BYSL: variants seen among roughly 807,000 people sequenced by gnomAD.
BYSL encodes the protein bystin like, also known as bystin.
In BYSL, 21 loss-of-function variants were observed where a neutral mutation model predicts 45.4. The ratio of observed to expected loss-of-function variants is 0.46; its 90% CI spans 0.33 to 0.67. BYSL has a LOEUF of 0.67. Among genes scored for constraint, BYSL ranks in the 30% least tolerant of loss-of-function variants. The pLI, the probability that BYSL is intolerant of heterozygous loss-of-function variation, is 0.02. For synonymous variants in BYSL, 215 were observed against 231.3 expected, an observed-to-expected ratio of 0.93 and a Z score of 0.64; for missense variants, 522 against 578.5, an observed-to-expected ratio of 0.90 and a Z score of 1.00.
At chr6:41,911,738 C>T in the BYSL span, among the ~76,000 whole-genome samples, 9 of 152,222 alleles carry the variant, frequency 5.9e-5, no homozygotes, top group African/African-American at 1.7e-4. Context: ...GGCTGCTGTG[C>T]GTGAACACAG....
rs576357696 is a variant in BYSL at position 41,923,762 on chromosome 6, A to C, written c.268+1932A>C. 1.0e-3 allele frequency among the ~76,000 whole-genome samples: 157 copies of C among 152,178 alleles called. 2 individuals are homozygous for C. The highest frequency in any genetic ancestry group is 1.5e-3 in the Non-Finnish European group (105 of 68,016). Reference sequence around the variant, plus strand: ...GTCTCATACTCTCTACAAAGTACTCACAGGTGGGGGATTACAATGGTCTAC... The same window carrying C: ...GTCTCATACTCTCTACAAAGTACTCCCAGGTGGGGGATTACAATGGTCTAC... On this transcript the variant is annotated intron_variant, in intron 1 of 6. Coordinates refer to ENST00000230340, the MANE Select transcript of BYSL (RefSeq NM_004053.4).
At chr6:41,919,443 CCTT>C (rs1039333751), upstream of BYSL, among the ~76,000 whole-genome samples, 5 of 152,182 alleles carry the variant, frequency 3.3e-5, no homozygotes, top group African/African-American at 9.7e-5. Context: ...AAGGTAGAGT[CCTT>C]CTGTTGCTAA....
At chr6:41,931,987 TGTAA>T (rs1182768787) in intron 6 of BYSL, among the ~76,000 whole-genome samples, 157 bp downstream of exon 6, 1 of 152,116 alleles carries the variant, frequency 6.6e-6, no homozygotes, top group East Asian at 1.9e-4. Flanking sequence ...TCCCCCTCAA[TGTAA>T]GTTGTGCAAC....
At chr6:41,916,603 T>C (rs1050075998), upstream of BYSL, among the ~76,000 whole-genome samples, 13 of 152,036 alleles carry the variant, frequency 8.6e-5, no homozygotes, top group African/African-American at 2.9e-4. Context: ...TAAAATAAAA[T>C]AAAGCTTTCA....
At chr6:41,918,607 A>T (rs1775376348), upstream of BYSL, among the ~76,000 whole-genome samples, 1 of 151,830 alleles carries the variant, frequency 6.6e-6, no homozygotes, top group South Asian at 2.1e-4. Context: ...AGGTCAGGAG[A>T]TCAAGACCAT....
the BYSL span, chr6:41,909,130 T>G: frequency 8.6e-7 from 1 of 1,156,566 alleles, no homozygotes; most frequent in Non-Finnish European, 1.2e-6. Flanking sequence ...GCCAAGATTG[T>G]GCCATTGCAT....
At chr6:41,917,679 C>T (rs1364299622), upstream of BYSL, 11 of 443,628 alleles carry the variant, frequency 2.5e-5, no homozygotes, top group East Asian at 7.2e-5. Flanking sequence ...AGATGACACA[C>T]GGACTGAGAA....
At chr6:41,925,939 C>T (rs1775558389) in intron 1 of BYSL, among the ~76,000 whole-genome samples, 1 of 152,148 alleles carries the variant, frequency 6.6e-6, no homozygotes, top group South Asian at 2.1e-4. Flanking sequence ...CCGCCTTGGT[C>T]TCCCAAAATG....
intron 4 of BYSL, 134 bp from the exon 5 acceptor site, chr6:41,931,262 C>T: frequency 1.9e-6 from 2 of 1,046,670 alleles, no homozygotes; most frequent in Non-Finnish European, 2.8e-6. Context: ...ACAGCTCCCA[C>T]ACATCCCCCA....
intron 1 of BYSL, among the ~76,000 whole-genome samples, chr6:41,924,632 G>A (rs976726510): frequency 6.6e-6 from 1 of 152,334 alleles, no homozygotes; most frequent in East Asian, 1.9e-4. Flanking sequence ...TGGTCAGGTA[G>A]GTGGGAGCCA....
upstream of BYSL, among the ~76,000 whole-genome samples, chr6:41,919,977 A>G (rs533762599): frequency 2.6e-5 from 4 of 152,304 alleles, no homozygotes; most frequent in South Asian, 6.2e-4. Context: ...TGAGAAGCCT[A>G]TATCCACTGG....
At chr6:41,916,927 C>T (rs746353113), upstream of BYSL, 1 of 1,614,004 alleles carries the variant, frequency 6.2e-7, no homozygotes. Context: ...CGGCCACAGG[C>T]ATCTGGGACA....
Position 41,927,525 on chromosome 6 carries a change from C to T in BYSL, c.420C>T (p.Asn140=). 1 of 1,613,878 alleles carries T rather than the reference C, an allele frequency of 6.2e-7. No homozygotes were observed. Among genetic ancestry groups the T allele is most frequent in the African/African-American group, 1.3e-5 (1 of 75,026 alleles). ...ERAIEMFMNK[N]PPARRTLADI... The stretch of plus-strand genomic sequence containing the variant: ...CCATAGAGATGTTCATGAACAAGAA[C>T]CCTCCTGCCAGGTAGGCCTGGGGAT... Residue 140 remains asparagine, a synonymous_variant, in exon 2 of 7, where the codon AAC becomes AAT. Transcript: ENST00000230340.
chr6:41,912,544 A>G, the BYSL span, among the ~76,000 whole-genome samples: 1 of 151,868 alleles, frequency 6.6e-6, no homozygotes, highest in African/African-American at 2.4e-5. Flanking sequence ...TTTAGTAGAG[A>G]CAGGGTTTCC....
chr6:41,920,792 A>AC (rs937322173), upstream of BYSL: 37 of 518,348 alleles, frequency 7.1e-5, no homozygotes, highest in Middle Eastern at 1.0e-3. Context: ...ACAAAACAAA[A>AC]AAAAAACCTT....
At chr6:41,929,795 A>C (rs1561944867) in intron 2 of BYSL, among the ~76,000 whole-genome samples, 2 of 152,246 alleles carry the variant, frequency 1.3e-5, no homozygotes, top group Non-Finnish European at 1.5e-5. Flanking sequence ...ACAGAGGCAT[A>C]GAGAGGTAAA....
chr6:41,930,294 G>A (rs1408688503), intron 3 of BYSL, 24 bp downstream of exon 3: 1 of 1,609,662 alleles, frequency 6.2e-7, no homozygotes. Context: ...GGGGAGCCAT[G>A]GTGGAAGACC....
the BYSL span, among the ~76,000 whole-genome samples, chr6:41,913,898 CA>C: frequency 1.2e-4 from 18 of 148,432 alleles, no homozygotes; most frequent in Non-Finnish European, 2.5e-4. Flanking sequence ...AACTCCGTCT[CA>C]AAAAAAAAAT....
chr6:41,933,002 G>A lies in BYSL; in HGVS notation c.*296G>A, dbSNP rs995548601. 1.7e-5 allele frequency: 7 copies of A among 401,556 alleles called. No individual in the cohort carries two copies. The highest frequency in any genetic ancestry group is 3.2e-5 in the Non-Finnish European group (7 of 218,958). 24.9% of individuals were successfully genotyped at this position (401,556 alleles called of 1,614,324 possible). ...TGTGAGTACTTTTTCTATGGCTATT[G>A]TGTCAGGTCACTGTGGATAAAGGCA... On this transcript the variant is annotated 3_prime_UTR_variant, in exon 7 of 7. Transcript: ENST00000230340.
Sources: gnomAD v4.1 joint callset for allele counts (sites outside exome capture counted in the v4.1 genomes callset) on GRCh38, gnomAD v4.1.1 for gene constraint, MANE v1.5 for transcripts, NCBI Gene and HGNC (gene_info 2026-07-23, HGNC 2026-07-21) for gene names.